The following ME2 variants were observed in gnomAD, a reference collection of about 807,000 sequenced individuals.
The protein encoded by ME2 is malic enzyme 2.
A neutral mutation model predicts 73.7 loss-of-function variants in ME2; 60 were observed. The observed-to-expected ratio is 0.81, with a 90% confidence interval of 0.66 to 1.01. The LOEUF (loss-of-function observed/expected upper bound fraction) is 1.01, where lower values mean the gene tolerates loss of function less well. ME2 is among the 50% of genes least tolerant of loss of function. The probability of loss-of-function intolerance (pLI) is 0.00; values close to 1 mark genes in which losing one functional copy is unlikely to be tolerated. For missense variants in ME2, 594 were observed against 705.5 expected (o/e 0.84, Z 1.79); for synonymous variants, 199 against 236.9 (o/e 0.84, Z 1.47).
At chr18:50,888,876 A>T (rs2040292) in intron 1 of ME2, among the ~76,000 whole-genome samples, 76,627 of 151,686 alleles carry the variant, frequency 0.51, 20,148 homozygotes, top group South Asian at 0.69. Flanking sequence ...TTTAAAAAAA[A>T]TTTTTTTTAA....
At chr18:50,939,164 G>GA (rs200483527) in intron 13 of ME2, 1,563 of 146,428 alleles carry the variant, frequency 0.011, 27 homozygotes, top group African/African-American at 0.038. Flanking sequence ...GAGAGAGAGA[G>GA]AAAAAAAAAT....
chr18:50,917,282 A>T (rs1599107758), intron 5 of ME2, 65 bp from the exon 6 acceptor site: 1 of 1,321,254 alleles, frequency 7.6e-7, no homozygotes, highest in Non-Finnish European at 1.1e-6. Context: ...TCAATCTTTT[A>T]AAAAATGCTT....
At chr18:50,938,369 T>C (rs1415015075) in intron 13 of ME2, among the ~76,000 whole-genome samples, 1 of 151,988 alleles carries the variant, frequency 6.6e-6, no homozygotes, top group Non-Finnish European at 1.5e-5. Flanking sequence ...ATCCAGAGAT[T>C]AAACGAAAAC....
intron 12 of ME2, among the ~76,000 whole-genome samples, chr18:50,927,892 G>A (rs1414273968): frequency 7.1e-6 from 1 of 140,764 alleles, no homozygotes; most frequent in African/African-American, 2.7e-5. Context: ...ATAGCTCACT[G>A]CAGACTCCAA....
rs1044913405 is a variant in ME2 at position 50,951,100 on chromosome 18, C to T, written c.*3916C>T. 6.6e-6 allele frequency: 1 copy of T among 152,272 alleles called. No individual in the cohort carries two copies. The highest frequency in any genetic ancestry group is 2.1e-4 in the South Asian group (1 of 4,824). The allele number at this position is 152,272 out of a possible 1,614,324, so 9.4% of individuals were successfully genotyped here. On this transcript the variant is annotated 3_prime_UTR_variant, in exon 16 of 16. Transcript: ENST00000321341. ...TTCTAAATTATAGATTTGTAGCATACTTAGTAAACTTAGTAACCAATTTTC... is the reference window on the plus strand; with the variant it reads ...TTCTAAATTATAGATTTGTAGCATATTTAGTAAACTTAGTAACCAATTTTC...
chr18:50,894,593 G>T (rs1230351892), intron 1 of ME2, among the ~76,000 whole-genome samples: 1 of 149,000 alleles, frequency 6.7e-6, no homozygotes, highest in African/African-American at 2.5e-5. Flanking sequence ...TATTTTGGCC[G>T]GGAACGGTGG....
Position 50,951,835 on chromosome 18 carries a change from C to A in ME2, c.*4651C>A, listed in dbSNP as rs1469165434. 7.2e-6 allele frequency: 1 copy of A among 138,036 alleles called. No individual in the cohort carries two copies. Among genetic ancestry groups the A allele is most frequent in the Non-Finnish European group, 1.5e-5 (1 of 66,380 alleles). The allele number at this position is 138,036 out of a possible 1,614,324, so 8.6% of individuals were successfully genotyped here. ...TGAGCTGAGATCGCACCGCTGCACT[C>A]CAGCCTGGGCGACAGAGTGAGCCTC... On this transcript the variant is annotated 3_prime_UTR_variant, in exon 16 of 16. Transcript: ENST00000321341.
Position 50,939,628 on chromosome 18 carries a change from A to G in ME2, c.1476A>G (p.Leu492=). Residue 492 remains leucine (L), a synonymous_variant, in exon 14 of 16, where the codon CTA becomes CTG. Transcript: ENST00000321341. ...NTRHISDSVF[L]EAAKALTSQL... The stretch of plus-strand genomic sequence containing the variant: ...GGCATATTAGTGACAGTGTTTTCCT[A>G]GAAGCTGCAAAGGTAAATGTTTTAA... 2 of 1,608,012 alleles carry G rather than the reference A, an allele frequency of 1.2e-6. No homozygotes were observed. Among genetic ancestry groups the G allele is most frequent in the African/African-American group, 2.7e-5 (2 of 74,898 alleles).
chr18:50,883,882 C>T (rs767300539), intron 1 of ME2, among the ~76,000 whole-genome samples: 13 of 152,024 alleles, frequency 8.6e-5, no homozygotes, highest in African/African-American at 1.4e-4. Flanking sequence ...AAAAGAAACT[C>T]TCCAGTAAAT....
At chr18:50,900,247 A>G (rs1274581949) in intron 2 of ME2, among the ~76,000 whole-genome samples, 1 of 150,400 alleles carries the variant, frequency 6.6e-6, no homozygotes, top group Non-Finnish European at 1.5e-5. Context: ...TAGGGGGAGG[A>G]AGAAGGAAAA....
At chr18:50,879,636 A>G (rs1288781883) in intron 1 of ME2, among the ~76,000 whole-genome samples, 2 of 152,232 alleles carry the variant, frequency 1.3e-5, no homozygotes, top group African/African-American at 4.8e-5. Flanking sequence ...TCCAAACGCC[A>G]GCATCTCTTT....
At chr18:50,888,658 G>T (rs141197593) in intron 1 of ME2, among the ~76,000 whole-genome samples, 3 of 152,098 alleles carry the variant, frequency 2.0e-5, no homozygotes, top group Middle Eastern at 3.4e-3. Flanking sequence ...ATCTAAGTGT[G>T]TACATCTAAT....
chr18:50,936,216 A>G (rs1009864686), intron 13 of ME2, among the ~76,000 whole-genome samples: 2 of 152,230 alleles, frequency 1.3e-5, no homozygotes, highest in Non-Finnish European at 2.9e-5. Context: ...GTAATGACCT[A>G]TTAAAGTTGC....
At chr18:50,922,236 G>A (rs1365987765) in intron 10 of ME2, among the ~76,000 whole-genome samples, 2 of 152,198 alleles carry the variant, frequency 1.3e-5, no homozygotes, top group Non-Finnish European at 1.5e-5. Flanking sequence ...TTATATACCA[G>A]ACATTGTTAT....
intron 2 of ME2, among the ~76,000 whole-genome samples, chr18:50,903,455 G>A (rs631489): frequency 0.68 from 103,921 of 151,980 alleles, 35,942 homozygotes; most frequent in African/African-American, 0.79. Flanking sequence ...TAGGCAAAGC[G>A]TACTTTTTTT....
chr18:50,885,872 A>T (rs547377756), intron 1 of ME2, among the ~76,000 whole-genome samples: 2 of 152,308 alleles, frequency 1.3e-5, no homozygotes, highest in African/African-American at 4.8e-5. Flanking sequence ...AAAGATGTAT[A>T]AAAGTCAAAT....
At chr18:50,884,265 TTC>T (rs1916402508) in intron 1 of ME2, among the ~76,000 whole-genome samples, 1 of 152,224 alleles carries the variant, frequency 6.6e-6, no homozygotes, top group African/African-American at 2.4e-5. Context: ...TTTGCATATA[TTC>T]TCTCATTTAA....
intron 1 of ME2, among the ~76,000 whole-genome samples, chr18:50,887,765 G>A (rs1318177267): frequency 3.3e-5 from 5 of 152,156 alleles, no homozygotes; most frequent in South Asian, 2.1e-4. Context: ...AACACACAAC[G>A]TGTATGGGAC....
intron 5 of ME2, 176 bp downstream of exon 5, chr18:50,916,419 C>G (rs1037952554): frequency 8.2e-5 from 40 of 486,514 alleles, no homozygotes; most frequent in African/African-American, 7.8e-4. Flanking sequence ...AAATGGGCTA[C>G]TGGTATAAAG....
Sources: allele counts gnomAD v4.1 joint callset (sites outside exome capture counted in the v4.1 genomes callset), GRCh38; gene constraint gnomAD v4.1.1; transcripts MANE v1.5; gene names NCBI Gene and HGNC (gene_info 2026-07-23, HGNC 2026-07-21).